Variants in NTM observed in about 807,000 individuals in gnomAD.
The protein encoded by NTM is neurotrimin, also known as IgLON family member 2.
Under a neutral mutation model 42.1 loss-of-function variants are expected in NTM, and 13 were observed. The ratio of observed to expected loss-of-function variants is 0.31; its 90% CI spans 0.20 to 0.49. NTM has a LOEUF of 0.49. Ranked by LOEUF, NTM falls within the 20% of genes least tolerant of loss-of-function variation. The pLI, the probability that NTM is intolerant of heterozygous loss-of-function variation, is 0.99. For synonymous variants in NTM, 187 were observed against 179.2 expected (o/e 1.04, Z -0.35); for missense variants, 373 against 452.8 (o/e 0.82, Z 1.60).
At chr11:131,753,573 T>A (rs1291205967) in intron 1 of NTM, among the ~76,000 whole-genome samples, 1 of 148,048 alleles carries the variant, frequency 6.8e-6, no homozygotes, top group Admixed American at 6.6e-5. Context: ...TAAAAAGTGA[T>A]GAGTTCATGT....
chr11:132,053,448 G>A (rs1219267090), intron 2 of NTM, among the ~76,000 whole-genome samples: 1 of 152,172 alleles, frequency 6.6e-6, no homozygotes, highest in Non-Finnish European at 1.5e-5. Context: ...GGAGAAAAGA[G>A]CATCTAGTCA....
chr11:132,291,518 T>C (rs1447873186), intron 4 of NTM, among the ~76,000 whole-genome samples: 1 of 151,986 alleles, frequency 6.6e-6, no homozygotes, highest in Non-Finnish European at 1.5e-5. Flanking sequence ...AAGTGTAGGG[T>C]TCATGGAAGA....
At chr11:132,292,086 G>A (rs553327126) in intron 4 of NTM, among the ~76,000 whole-genome samples, 64 of 152,186 alleles carry the variant, frequency 4.2e-4, no homozygotes, top group Non-Finnish European at 7.8e-4. Flanking sequence ...GCAAAAGCAG[G>A]TGAAGATTGA....
intron 4 of NTM, among the ~76,000 whole-genome samples, chr11:132,256,084 G>A (rs2092446362): frequency 6.6e-6 from 1 of 152,160 alleles, no homozygotes; most frequent in African/African-American, 2.4e-5. Flanking sequence ...GAAGGCAAAT[G>A]TGGAATATTC....
intron 3 of NTM, among the ~76,000 whole-genome samples, chr11:132,159,322 C>T (rs920081062): frequency 1.9e-4 from 29 of 152,096 alleles, no homozygotes; most frequent in African/African-American, 4.8e-4. Context: ...CTAAGAGACG[C>T]GTTTATTCTC....
At chr11:131,904,250 G>C (rs758282337) in intron 1 of NTM, among the ~76,000 whole-genome samples, 13 of 152,250 alleles carry the variant, frequency 8.5e-5, no homozygotes, top group Non-Finnish European at 1.3e-4. Context: ...ATTGTTTAGG[G>C]AGAATGGAGC....
rs980882119 is a variant in NTM, at chr11:131,533,633, G to A, written c.82+162745G>A. Among the ~76,000 whole-genome samples, 3 of 152,296 alleles carry A rather than the reference G, an allele frequency of 2.0e-5. No individual in the cohort carries two copies. The East Asian group carries it at 5.8e-4, about 29-fold the overall frequency. ...GAGGTGGGCTTAGAGCATCCCTTCT[G>A]TGAAATGGGGGCAGGAGTCGTGGCT... On this transcript the variant is annotated intron_variant, in intron 1 of 8. Coordinates refer to ENST00000683400, the MANE Select transcript of NTM (RefSeq NM_001352005.2).
intron 1 of NTM, among the ~76,000 whole-genome samples, chr11:131,789,629 AAG>A (rs1565552932): frequency 4.5e-5 from 4 of 89,176 alleles, no homozygotes; most frequent in African/African-American, 1.8e-4. Flanking sequence ...GAAGAAGAAG[AAG>A]AAGAAAAGAA....
intron 1 of NTM, among the ~76,000 whole-genome samples, chr11:131,377,544 T>A (rs904357178): frequency 6.6e-6 from 1 of 152,238 alleles, no homozygotes; most frequent in Non-Finnish European, 1.5e-5. Flanking sequence ...TAAGATAACC[T>A]CCTCTATGAG....
At chr11:131,828,922 G>A (rs993306238) in intron 1 of NTM, among the ~76,000 whole-genome samples, 4 of 151,612 alleles carry the variant, frequency 2.6e-5, no homozygotes, top group African/African-American at 4.8e-5. Flanking sequence ...TACTTACCCT[G>A]TCATTACCAT....
At chr11:131,790,001 AAAC>A (rs1345521467) in intron 1 of NTM, among the ~76,000 whole-genome samples, 4 of 151,730 alleles carry the variant, frequency 2.6e-5, no homozygotes, top group African/African-American at 4.8e-5. Context: ...TCAATGAAGA[AAAC>A]AACACATTTT....
At position 131,718,965 on chromosome 11, in the gene NTM, A is replaced by T. The variant is rs990764278; in HGVS notation, c.83-192599A>T. Among the ~76,000 whole-genome samples, 66 of 152,196 alleles carry T rather than the reference A, an allele frequency of 4.3e-4. 1 individual carries two copies. The highest frequency in any genetic ancestry group is 1.5e-3 in the African/African-American group (61 of 41,520). On this transcript the variant is annotated intron_variant, in intron 1 of 8. Transcript: ENST00000683400. Reference sequence around the variant, plus strand: ...TAGTGTTTTTGTTTTCAGATTGGGTATCCCTTTGTCCACTGCTTATAGCAG... The same window carrying T: ...TAGTGTTTTTGTTTTCAGATTGGGTTTCCCTTTGTCCACTGCTTATAGCAG...
At chr11:131,736,400 T>C (rs773965881) in intron 1 of NTM, among the ~76,000 whole-genome samples, 1 of 152,178 alleles carries the variant, frequency 6.6e-6, no homozygotes, top group Non-Finnish European at 1.5e-5. Flanking sequence ...CAAAAGTCCT[T>C]AGCAAACACA....
chr11:131,523,410 GCAGT>G (rs981936011), intron 1 of NTM, among the ~76,000 whole-genome samples: 3 of 152,188 alleles, frequency 2.0e-5, no homozygotes, highest in African/African-American at 7.2e-5. Flanking sequence ...GGTAAAGATA[GCAGT>G]CAGAATTCAA....
intron 1 of NTM, among the ~76,000 whole-genome samples, chr11:131,585,412 C>G (rs1190324874): frequency 6.6e-6 from 1 of 152,158 alleles, no homozygotes; most frequent in Non-Finnish European, 1.5e-5. Flanking sequence ...GGGAGACACT[C>G]CTCAGGCCCT....
chr11:131,412,570 GA>G (rs1167993288), intron 1 of NTM, among the ~76,000 whole-genome samples: 3 of 152,098 alleles, frequency 2.0e-5, no homozygotes, highest in Non-Finnish European at 4.4e-5. Flanking sequence ...TAGACATTTA[GA>G]TAACATAGCA....
In NTM at chr11:131,776,614, G is replaced by T. The variant is rs534924387; in HGVS notation, c.83-134950G>T. Among the ~76,000 whole-genome samples, 4 of 152,118 alleles carry T rather than the reference G, an allele frequency of 2.6e-5. No individual in the cohort carries two copies. The East Asian group carries it at 7.7e-4, about 29-fold the overall frequency. ...TTTTTTTGTCAGCATCTACTTCAAG[G>T]CTTTGACTTCTGTATTGGTTAGGGT... On this transcript the variant is annotated intron_variant, in intron 1 of 8. Transcript: ENST00000683400.
intron 1 of NTM, among the ~76,000 whole-genome samples, chr11:131,485,551 C>G (rs1954089587): frequency 6.6e-6 from 1 of 152,140 alleles, no homozygotes; most frequent in Middle Eastern, 3.2e-3. Context: ...TCTTTGGCCA[C>G]CAAGGCATGT....
At chr11:131,505,779 T>C (rs1485851905) in intron 1 of NTM, among the ~76,000 whole-genome samples, 1 of 152,152 alleles carries the variant, frequency 6.6e-6, no homozygotes, top group African/African-American at 2.4e-5. Context: ...CCCAACCCAG[T>C]TGAGAACTAT....
Sources: allele counts gnomAD v4.1 joint callset (sites outside exome capture counted in the v4.1 genomes callset), GRCh38; gene constraint gnomAD v4.1.1; transcripts MANE v1.5; gene names NCBI Gene and HGNC (gene_info 2026-07-23, HGNC 2026-07-21).